Variants in GRIA1 observed in about 807,000 individuals in gnomAD.
The protein encoded by GRIA1 is glutamate ionotropic receptor AMPA type subunit 1, also known as glutamate receptor 1.
In GRIA1, 31 loss-of-function variants were observed where a neutral mutation model predicts 99.2. The ratio of observed to expected loss-of-function variants is 0.31; its 90% CI spans 0.23 to 0.42. The LOEUF (loss-of-function observed/expected upper bound fraction) is 0.42, where lower values mean the gene tolerates loss of function less well. Ranked by LOEUF, GRIA1 falls within the 10% of genes least tolerant of loss-of-function variation. The probability of loss-of-function intolerance (pLI) is 1.00; values close to 1 mark genes in which losing one functional copy is unlikely to be tolerated. For synonymous variants in GRIA1, 438 were observed against 432.4 expected (o/e 1.01, Z -0.16); for missense variants, 782 against 1,157.5 (o/e 0.68, Z 4.71).
At chr5:153,780,336 C>T (rs1308694248) in intron 13 of GRIA1, among the ~76,000 whole-genome samples, 4 of 152,180 alleles carry the variant, frequency 2.6e-5, no homozygotes, top group African/African-American at 7.2e-5. Flanking sequence ...TTCTGCCTCC[C>T]GCATTTACGA....
intron 2 of GRIA1, among the ~76,000 whole-genome samples, chr5:153,592,955 C>CTGATTAA (rs1764100499): frequency 6.6e-6 from 1 of 152,080 alleles, no homozygotes; most frequent in African/African-American, 2.4e-5. Context: ...GGGGCTCCAC[C>CTGATTAA]CTCGTGACCT....
chr5:153,652,039 A>G (rs570981943), intron 4 of GRIA1, among the ~76,000 whole-genome samples: 1 of 152,328 alleles, frequency 6.6e-6, no homozygotes, highest in South Asian at 2.1e-4. Flanking sequence ...AATTAAAAGA[A>G]TCAATATATG....
chr5:153,492,042 T>G, intron 1 of GRIA1: 24 of 937,178 alleles, frequency 2.6e-5, no homozygotes, highest in Admixed American at 3.1e-5. Flanking sequence ...CAAGCTGCTG[T>G]GTTTGGAAGC....
chr5:153,529,278 CA>C (rs1757886050), intron 2 of GRIA1, among the ~76,000 whole-genome samples: 1 of 152,132 alleles, frequency 6.6e-6, no homozygotes, highest in South Asian at 2.1e-4. Context: ...GCCAGGAGGT[CA>C]GAACTTAAGC....
At chr5:153,777,216 T>C (rs573044032) in intron 13 of GRIA1, among the ~76,000 whole-genome samples, 1 of 152,202 alleles carries the variant, frequency 6.6e-6, no homozygotes, top group African/African-American at 2.4e-5. Flanking sequence ...CAGTCCACTC[T>C]GGGAACAAGG....
intron 12 of GRIA1, among the ~76,000 whole-genome samples, chr5:153,765,948 T>A (rs1763490564): frequency 6.6e-6 from 1 of 152,202 alleles, no homozygotes; most frequent in African/African-American, 2.4e-5. Context: ...GACAGCACGC[T>A]GCCATATTGC....
intron 7 of GRIA1, among the ~76,000 whole-genome samples, chr5:153,679,873 G>A (rs993931521): frequency 1.3e-5 from 2 of 152,174 alleles, no homozygotes; most frequent in African/African-American, 4.8e-5. Context: ...AAGCATGCTA[G>A]GGAGTTAAAT....
intron 2 of GRIA1, among the ~76,000 whole-genome samples, chr5:153,588,864 G>T (rs76363644): frequency 0.013 from 1,919 of 152,172 alleles, 33 homozygotes; most frequent in African/African-American, 0.039. Flanking sequence ...TTGGTCACCA[G>T]ATCAATATCT....
intron 7 of GRIA1, among the ~76,000 whole-genome samples, chr5:153,681,359 G>T (rs1383463528): frequency 1.3e-5 from 2 of 152,192 alleles, no homozygotes; most frequent in Admixed American, 6.5e-5. Flanking sequence ...CATGAGACTT[G>T]GAAGGGACAA....
In GRIA1 at chr5:153,808,271, C is replaced by A. The variant is rs577335213; in HGVS notation, c.2521-2754C>A. On this transcript the variant is annotated intron_variant, in intron 15 of 15. Transcript: ENST00000285900. ...ATCAGTTCCAAAAACACCACCACCA[C>A]CCTCAAGGATGAACTTTAAGAATGG... Among the ~76,000 whole-genome samples the A allele has an allele frequency of 3.3e-5, 5 of 152,166 alleles. No individual in the cohort carries two copies. The South Asian group carries it at 8.3e-4, about 25-fold the overall frequency.
intron 2 of GRIA1, among the ~76,000 whole-genome samples, chr5:153,570,702 C>G (rs1762036714): frequency 6.6e-6 from 1 of 152,126 alleles, no homozygotes. Flanking sequence ...CCTCGGTTTT[C>G]TCATCTGTAA....
chr5:153,698,232 G>A, intron 9 of GRIA1, 78 bp downstream of exon 9: 1 of 765,384 alleles, frequency 1.3e-6, no homozygotes, highest in Non-Finnish European at 2.2e-6. Context: ...AGGACTGAAA[G>A]CTGGCCTTTC....
intron 13 of GRIA1, 43 bp downstream of exon 13, chr5:153,770,458 C>T (rs774433597): frequency 4.4e-6 from 7 of 1,579,552 alleles, no homozygotes; most frequent in Non-Finnish European, 6.1e-6. Context: ...CCTCTCCCCT[C>T]CCTATCTCAG....
chr5:153,748,874 T>G (rs374069715), intron 11 of GRIA1, among the ~76,000 whole-genome samples: 1 of 152,136 alleles, frequency 6.6e-6, no homozygotes, highest in African/African-American at 2.4e-5. Context: ...AGGTCTAAGG[T>G]ACCAAGTAGG....
intron 14 of GRIA1, chr5:153,795,464 C>G: frequency 7.0e-7 from 1 of 1,422,558 alleles, no homozygotes. Context: ...GTTATTTCCC[C>G]CCTGGTTGAA....
At position 153,686,481 on chromosome 5, in the gene GRIA1, A is replaced by C. The variant is rs112728400; in HGVS notation, c.1134+152A>C. On this transcript the variant is annotated intron_variant, in intron 8 of 15. Coordinates refer to ENST00000285900, the MANE Select transcript of GRIA1 (RefSeq NM_000827.4). ...TCTAGACTTGGCTCTGCCACTAACC[A>C]GCTGGGACATTGGGCAAGTCTCGTT... 4.9e-3 allele frequency: 2,733 copies of C among 561,660 alleles called. 20 individuals are homozygous for C. The highest frequency in any genetic ancestry group is 0.011 in the South Asian group (442 of 38,782). The allele number at this position is 561,660 out of a possible 1,614,324, so 34.8% of individuals were successfully genotyped here.
intron 2 of GRIA1, among the ~76,000 whole-genome samples, chr5:153,514,726 G>A (rs570779147): frequency 6.6e-6 from 1 of 152,136 alleles, no homozygotes; most frequent in African/African-American, 2.4e-5. Flanking sequence ...TGTGAAGAAT[G>A]ATGTTGGAAT....
chr5:153,616,906 A>G (rs1399374868), intron 2 of GRIA1, among the ~76,000 whole-genome samples: 1 of 152,204 alleles, frequency 6.6e-6, no homozygotes, highest in Non-Finnish European at 1.5e-5. Context: ...TAAGATGATA[A>G]AAACTGGGTT....
chr5:153,746,145 A>G (rs1762141366), intron 11 of GRIA1, among the ~76,000 whole-genome samples: 1 of 151,724 alleles, frequency 6.6e-6, no homozygotes. Flanking sequence ...CCACTTAATA[A>G]TTCTCTTTAC....
Sources: gnomAD v4.1 joint callset for allele counts (sites outside exome capture counted in the v4.1 genomes callset) on GRCh38, gnomAD v4.1.1 for gene constraint, MANE v1.5 for transcripts, NCBI Gene and HGNC (gene_info 2026-07-23, HGNC 2026-07-21) for gene names.